Variants in MXRA5 observed in about 807,000 individuals in gnomAD.
MXRA5 encodes matrix-remodeling-associated protein 5.
In MXRA5, 41 loss-of-function variants were observed where a neutral mutation model predicts 112.5. The ratio of observed to expected loss-of-function variants is 0.36; its 90% CI spans 0.28 to 0.47. The LOEUF is 0.47. Ranked by LOEUF, MXRA5 falls within the 20% of genes least tolerant of loss-of-function variation. MXRA5 has a pLI of 0.99. For synonymous variants in MXRA5, 862 were observed against 900.8 expected, an observed-to-expected ratio of 0.96 and a Z score of 0.77; for missense variants, 2,150 against 2,251.0, an observed-to-expected ratio of 0.96 and a Z score of 0.91.
At chrX:3,326,898 A>C (rs1603468072) in intron 4 of MXRA5, among the ~76,000 whole-genome samples, 1 of 111,803 alleles carries the variant, frequency 8.9e-6, no homozygotes, top group Admixed American at 9.6e-5. Context: ...TCTCTAGTCC[A>C]AACACATTCC....
chrX:3,345,575 C>T (rs1922088155), intron 1 of MXRA5, among the ~76,000 whole-genome samples: 1 of 113,040 alleles, frequency 8.8e-6, no homozygotes, highest in African/African-American at 3.2e-5. Flanking sequence ...CCGGGAGACC[C>T]AGGAAACTCG....
At chrX:3,331,295 A>G (rs1377711637) in intron 2 of MXRA5, among the ~76,000 whole-genome samples, 1 of 111,727 alleles carries the variant, frequency 9.0e-6, no homozygotes, top group African/African-American at 3.3e-5. Context: ...GAAGAAAGTG[A>G]CATGTATTTA....
intron 5 of MXRA5, among the ~76,000 whole-genome samples, chrX:3,319,510 C>T (rs1197481937): frequency 1.8e-5 from 2 of 112,789 alleles, no homozygotes; most frequent in Non-Finnish European, 3.7e-5. Context: ...CTTGCAGTGG[C>T]CAGCCACCCC....
chrX:3,342,236 G>A (rs1486081592), intron 2 of MXRA5, among the ~76,000 whole-genome samples: 1 of 109,869 alleles, frequency 9.1e-6, no homozygotes, highest in African/African-American at 3.3e-5. Flanking sequence ...ACCAGGGCCT[G>A]CTGGGGGGTG....
In MXRA5 at chrX:3,345,515, A is replaced by G. The variant is rs1230007637; in HGVS notation, c.-29+1000T>C. 2.7e-5 allele frequency among the ~76,000 whole-genome samples: 3 copies of G among 111,096 alleles called. No homozygotes were observed. In the Admixed American group the frequency reaches 2.8e-4, roughly 11 times the overall value. Reference sequence around the variant, plus strand: ...GGACTTGGCCCGGGCGTTCCATAGGACTCTTCAGCCCCAACTCCCTGTCCG... The same window carrying G: ...GGACTTGGCCCGGGCGTTCCATAGGGCTCTTCAGCCCCAACTCCCTGTCCG... On this transcript the variant is annotated intron_variant, in intron 1 of 6. Transcript: ENST00000217939.
chrX:3,311,792 A>G (rs1197031542), intron 6 of MXRA5, among the ~76,000 whole-genome samples, 168 bp from the exon 7 acceptor site: 1 of 112,547 alleles, frequency 8.9e-6, no homozygotes, highest in Non-Finnish European at 1.9e-5. Flanking sequence ...GGTTGTGGAA[A>G]GTGATTGACT....
chrX:3,311,886 A>G (rs1920994736), intron 6 of MXRA5, among the ~76,000 whole-genome samples: 1 of 112,428 alleles, frequency 8.9e-6, no homozygotes, highest in African/African-American at 3.2e-5. Context: ...AAAGACGTCA[A>G]TCCCATTCCT....
chrX:3,343,584 C>G, intron 2 of MXRA5, 62 bp downstream of exon 2: 1 of 1,083,553 alleles, frequency 9.2e-7, no homozygotes, highest in Non-Finnish European at 1.3e-6. Context: ...TACACACACG[C>G]AAAACCAGAT....
chrX:3,343,531 G>A (rs964954746), intron 2 of MXRA5, 115 bp downstream of exon 2: 16 of 732,025 alleles, frequency 2.2e-5, no homozygotes, highest in Non-Finnish European at 3.2e-5. Flanking sequence ...TCTCGACAGA[G>A]CTACACAGAG....
At chrX:3,312,052 C>T (rs753204077) in intron 6 of MXRA5, among the ~76,000 whole-genome samples, 2 of 112,229 alleles carry the variant, frequency 1.8e-5, no homozygotes, top group Admixed American at 9.4e-5. Flanking sequence ...GCTTTAGACA[C>T]GGTTTCTACT....
At position 3,309,981 on chromosome X, in the gene MXRA5, G is replaced by A. The variant is rs138475196; in HGVS notation, c.8222C>T (p.Pro2741Leu). The A allele has an allele frequency of 3.3e-6, 4 of 1,208,929 alleles. No individual in the cohort carries two copies. Among genetic ancestry groups the A allele is most frequent in the Non-Finnish European group, 4.5e-6 (4 of 894,848 alleles). ...GTTCCCGGGCCGGGTGTAGATGACC[G>A]GGGTGGGCTCGCTGGTGATCCGGGG... is the stretch of plus-strand genomic sequence containing the variant. ...YPPRITSEPT[P>L]VIYTRPGNTV... Residue 2741 changes from proline (P) to leucine (L), a missense_variant, in exon 7 of 7, where the codon CCG (proline) becomes CTG (leucine). Transcript: ENST00000217939.
chrX:3,316,460 TC>T (rs1184784911), intron 6 of MXRA5, among the ~76,000 whole-genome samples: 2 of 102,917 alleles, frequency 1.9e-5, no homozygotes, highest in Admixed American at 2.1e-4. Flanking sequence ...TTCGAGATCA[TC>T]CTTGGGAACA....
intron 6 of MXRA5, among the ~76,000 whole-genome samples, chrX:3,316,095 A>ACGCCTGTAATCCCAGCATTTT (rs1569181563): frequency 2.0e-4 from 10 of 49,309 alleles, no homozygotes; most frequent in African/African-American, 1.2e-3. Flanking sequence ...GCGGCGGATC[A>ACGCCTGTAATCCCAGCATTTT]GGAGGTCAGG....
At chrX:3,342,318 T>C (rs1289953040) in intron 2 of MXRA5, among the ~76,000 whole-genome samples, 1 of 111,304 alleles carries the variant, frequency 9.0e-6, no homozygotes, top group Non-Finnish European at 1.9e-5. Flanking sequence ...CATATACCTA[T>C]GTAACAAACT....
At position 3,322,748 on chromosome X, in the gene MXRA5, G is replaced by C; in HGVS notation, c.2937C>G (p.Asp979Glu). The change falls in exon 5 of 7, where the codon GAC becomes GAG. Residue 979 changes from aspartate to glutamate, a missense_variant. Asp to Glu is a conservative substitution (Grantham distance 45, BLOSUM62 2). Transcript: ENST00000217939. ...GTTGTGACTTAGTCTCCAAATCTGG[G>C]TCAAAGTATTGCATGGGCTCAGACT... ...LAESEPMQYF[D>E]PDLETKSQPD... 1 of 1,211,493 alleles carries C rather than the reference G, an allele frequency of 8.3e-7. No homozygotes were observed. The highest frequency in any genetic ancestry group is 1.7e-5 in the African/African-American group (1 of 57,689).
intron 4 of MXRA5, among the ~76,000 whole-genome samples, chrX:3,326,344 A>C (rs1464864493): frequency 2.0e-5 from 2 of 97,935 alleles, no homozygotes; most frequent in African/African-American, 7.3e-5. Context: ...CTATCTAGGA[A>C]CTATATATTT....
intron 2 of MXRA5, among the ~76,000 whole-genome samples, chrX:3,342,681 T>G (rs1232940861): frequency 8.9e-6 from 1 of 112,336 alleles, no homozygotes; most frequent in Non-Finnish European, 1.9e-5. Flanking sequence ...ATTCTACCAC[T>G]GTCAACAGGG....
In MXRA5 at chrX:3,317,893, C is replaced by T. The variant is rs193920874; in HGVS notation, c.5788G>A (p.Ala1930Thr). Residue 1930 changes from alanine (A) to threonine (T), a missense_variant, in exon 6 of 7, where the codon GCC (alanine) becomes ACC (threonine). This residue lies in a region of MXRA5 where 1,485 missense variants were observed against 1,471.6 expected (regional missense o/e 1.01). Transcript: ENST00000217939. The part of the protein sequence containing the change: ...VQDRGQYMCT[A>T]SNLHGLDRMV... ...CTGTCCAGGCCGTGCAGGTTGCTGG[C>T]GGTGCACATATACTGGCCTCGATCT... 1.2e-5 allele frequency: 15 copies of T among 1,211,448 alleles called. No homozygotes were observed. The highest frequency in any genetic ancestry group is 1.8e-5 in the South Asian group (1 of 56,946).
rs1921372899 is a variant in MXRA5 at position 3,323,522 on chromosome X, C to T, written c.2163G>A (p.Glu721=). 3 of 1,211,379 alleles carry T rather than the reference C, an allele frequency of 2.5e-6. No homozygotes were observed. Among genetic ancestry groups the T allele is most frequent in the Non-Finnish European group, 2.2e-6 (2 of 895,467 alleles). Residue 721 remains glutamate, a synonymous_variant, in exon 5 of 7, where the codon GAG becomes GAA. Coordinates refer to ENST00000217939, the MANE Select transcript of MXRA5 (RefSeq NM_015419.4). ...CATCATCCTTTGTTTTGAGGAACAC[C>T]TCTTGGTCCTTTGGATGCAGAAGTC... ...SRRLLHPKDQ[E]VFLKTKDDAI...
Sources: gnomAD v4.1 joint callset for allele counts (sites outside exome capture counted in the v4.1 genomes callset) on GRCh38, gnomAD v4.1.1 for gene constraint, gnomAD v4.1.1 regional missense constraint, MANE v1.5 for transcripts, NCBI Gene and HGNC (gene_info 2026-07-23, HGNC 2026-07-21) for gene names.